CIDEC: variants seen among roughly 807,000 people sequenced by gnomAD.
CIDEC encodes the protein cell death inducing DFFA like effector c, also known as lipid transferase CIDEC.
CIDEC carries 11 observed loss-of-function variants against 21.9 expected under a neutral mutation model. That is an observed-to-expected ratio of 0.50 (90% CI 0.32 to 0.83). The LOEUF is 0.83. CIDEC is among the 40% of genes least tolerant of loss of function. The pLI is 0.04. For missense variants in CIDEC, 302 were observed against 302.3 expected (o/e 1.00, Z 0.01); for synonymous variants, 127 against 124.9 (o/e 1.02, Z -0.11).
Position 9,878,931 on chromosome 3 carries a change from C to T in CIDEC, c.-26+11G>A, listed in dbSNP as rs909012755. The T allele has an allele frequency of 3.4e-5, 32 of 929,416 alleles. No individual in the cohort carries two copies. Among genetic ancestry groups the T allele is most frequent in the South Asian group, 5.7e-5 (4 of 70,702 alleles). 57.6% of individuals were successfully genotyped at this position (929,416 alleles called of 1,614,324 possible). A position where few individuals can be genotyped will look rare whatever the true frequency, so the allele number is the denominator to read the frequency against. On this transcript the variant is annotated intron_variant, in intron 2 of 6. Transcript: ENST00000336832. ...CACACCACCTCACACTTCTGGGGACCGTTCCCTCACCTCTAGTCCAGAGAC... is the reference window on the plus strand; with the variant it reads ...CACACCACCTCACACTTCTGGGGACTGTTCCCTCACCTCTAGTCCAGAGAC...
chr3:9,869,828 G>A, intron 6 of CIDEC, 54 bp downstream of exon 6: 1 of 1,525,276 alleles, frequency 6.6e-7, no homozygotes, highest in Non-Finnish European at 9.1e-7. Context: ...GACAGATAGG[G>A]GCTCTCCCAT....
At chr3:9,867,971 C>A (rs975387067) in intron 6 of CIDEC, among the ~76,000 whole-genome samples, 1 of 151,842 alleles carries the variant, frequency 6.6e-6, no homozygotes, top group African/African-American at 2.4e-5. Context: ...AAGAGTGTAC[C>A]CCCTCCCTGC....
rs200501707 is a variant in CIDEC, at chr3:9,870,221, C to T, written c.309G>A (p.Gly103=). ...TCTGGAGGACCATGAACACTGTATC[C>T]CCTGCCAGGGCTTGGAAGTACTCTT... is the stretch of plus-strand genomic sequence containing the variant. ...ETEEYFQALA[G]DTVFMVLQKG... Residue 103 remains glycine, a synonymous_variant, in exon 5 of 7, where the codon GGG becomes GGA. Coordinates refer to ENST00000336832, the MANE Select transcript of CIDEC (RefSeq NM_001321142.2). The T allele has an allele frequency of 5.6e-6, 9 of 1,614,110 alleles. No homozygotes were observed. The East Asian group carries it at 1.8e-4, about 32-fold the overall frequency.
chr3:9,873,301 A>G (rs1391619645), intron 4 of CIDEC, among the ~76,000 whole-genome samples: 7 of 152,174 alleles, frequency 4.6e-5, no homozygotes, highest in Admixed American at 1.3e-4. Flanking sequence ...ATAAGTTGTT[A>G]TAGTGATTAA....
Position 9,870,030 on chromosome 3 carries a change from T to C in CIDEC, c.406A>G (p.Lys136Glu). The change falls in exon 6 of 7, where the codon AAG (lysine) becomes GAG (glutamate). Residue 136 changes from lysine to glutamate, a missense_variant. Lys to Glu is a moderately conservative substitution (Grantham distance 56). Transcript: ENST00000336832. ...GTTACACGGGCCACATCAATCTTCT[T>C]GGCAGGCTTATGGGAGAGGGACAGT... ...HPLSLSHKPAKKIDVARVTFD... is the reference protein window; with the variant it reads ...HPLSLSHKPAEKIDVARVTFD... The C allele has an allele frequency of 6.2e-7, 1 of 1,614,228 alleles. No individual in the cohort carries two copies. Among genetic ancestry groups the C allele is most frequent in the Non-Finnish European group, 8.5e-7 (1 of 1,180,040 alleles).
intron 1 of CIDEC, among the ~76,000 whole-genome samples, chr3:9,879,452 G>T (rs1054493252): frequency 6.6e-6 from 1 of 152,180 alleles, no homozygotes; most frequent in African/African-American, 2.4e-5. Context: ...GATTACAGGC[G>T]TGAGCCACTG....
At chr3:9,869,250 C>CT (rs373618110) in intron 6 of CIDEC, among the ~76,000 whole-genome samples, 152 of 151,366 alleles carry the variant, frequency 1.0e-3, no homozygotes, top group African/African-American at 3.6e-3. Flanking sequence ...TTGACACGTG[C>CT]TTTTTTTTGT....
intron 2 of CIDEC, 125 bp downstream of exon 2, chr3:9,878,817 A>G: frequency 1.3e-6 from 2 of 1,536,048 alleles, no homozygotes; most frequent in African/African-American, 1.4e-5. Context: ...CACACTGAGC[A>G]GATAACCCAA....
At chr3:9,867,329 C>G in intron 6 of CIDEC, 33 bp from the exon 7 acceptor site, 1 of 1,612,760 alleles carries the variant, frequency 6.2e-7, no homozygotes, top group Non-Finnish European at 8.5e-7. Flanking sequence ...CAAGTCAAAA[C>G]CACGAAGTAG....
intron 2 of CIDEC, 23 bp downstream of exon 2, chr3:9,878,919 A>G: frequency 9.7e-7 from 1 of 1,031,254 alleles, no homozygotes; most frequent in Non-Finnish European, 1.5e-6. Flanking sequence ...ACCACCTCAC[A>G]CTTCTGGGGA....
At chr3:9,871,725 G>T (rs546387458) in intron 4 of CIDEC, among the ~76,000 whole-genome samples, 1 of 152,132 alleles carries the variant, frequency 6.6e-6, no homozygotes, top group Non-Finnish European at 1.5e-5. Context: ...CACCTCCTGG[G>T]TTCAAGCGAT....
chr3:9,872,118 T>G (rs1283559994), intron 4 of CIDEC, among the ~76,000 whole-genome samples: 1 of 152,076 alleles, frequency 6.6e-6, no homozygotes, highest in Admixed American at 6.6e-5. Context: ...CAGCCATATA[T>G]CCACTTTTTG....
At chr3:9,878,900 G>T in intron 2 of CIDEC, 42 bp downstream of exon 2, 1 of 1,274,818 alleles carries the variant, frequency 7.8e-7, no homozygotes, top group Non-Finnish European at 1.1e-6. Context: ...CTGGCAGGAG[G>T]TGAGTCACAC....
At chr3:9,879,161 A>ATTTT (rs56881276) in intron 1 of CIDEC, 107 bp from the exon 2 acceptor site, 112 of 145,396 alleles carry the variant, frequency 7.7e-4, no homozygotes, top group South Asian at 2.3e-3. Context: ...CAGGAGCTGA[A>ATTTT]TTTTTTTTTT....
chr3:9,870,353 A>G, intron 4 of CIDEC, 31 bp from the exon 5 acceptor site: 2 of 1,608,896 alleles, frequency 1.2e-6, no homozygotes, highest in African/African-American at 1.3e-5. Flanking sequence ...TGCTTCTGCC[A>G]TCCCAGAACA....
rs1337361906 is a variant in CIDEC at position 9,869,980 on chromosome 3, T to C, written c.456A>G (p.Pro152=). Residue 152 remains proline (P), a synonymous_variant, in exon 6 of 7, where the codon CCA becomes CCG. Coordinates refer to ENST00000336832, the MANE Select transcript of CIDEC (RefSeq NM_001321142.2). The stretch of plus-strand genomic sequence containing the variant: ...CGTTCAGGCAGCCAATGAAGTCCTG[T>C]GGGTTCAGCTTGTACAGATCAAACG... ...RVTFDLYKLN[P]QDFIGCLNVK... 6.2e-7 allele frequency: 1 copy of C among 1,614,062 alleles called. No homozygotes were observed. The highest frequency in any genetic ancestry group is 8.5e-7 in the Non-Finnish European group (1 of 1,180,046).
intron 4 of CIDEC, among the ~76,000 whole-genome samples, chr3:9,875,449 C>G (rs1038262906): frequency 6.6e-6 from 1 of 151,468 alleles, no homozygotes; most frequent in Non-Finnish European, 1.5e-5. Flanking sequence ...ATAGCTGGCT[C>G]ATAATCTTCA....
At chr3:9,876,465 C>T (rs982688303) in intron 4 of CIDEC, among the ~76,000 whole-genome samples, 2 of 151,440 alleles carry the variant, frequency 1.3e-5, no homozygotes, top group Admixed American at 1.3e-4. Context: ...CACAGCAAGA[C>T]TCCATCTTGG....
chr3:9,871,937 C>CA (rs970162842), intron 4 of CIDEC, among the ~76,000 whole-genome samples: 1 of 151,702 alleles, frequency 6.6e-6, no homozygotes, highest in East Asian at 2.0e-4. Flanking sequence ...GCCCAAAAAT[C>CA]TTTTTTTCGT....
Sources: allele counts gnomAD v4.1 joint callset (sites outside exome capture counted in the v4.1 genomes callset), GRCh38; gene constraint gnomAD v4.1.1; transcripts MANE v1.5; gene names NCBI Gene and HGNC (gene_info 2026-07-23, HGNC 2026-07-21).